Variants in GABPB2 observed in about 807,000 individuals in gnomAD.
The protein encoded by GABPB2 is GA-binding protein subunit beta-2.
Under a neutral mutation model 39.1 loss-of-function variants are expected in GABPB2, and 23 were observed. The observed-to-expected ratio is 0.59, with a 90% CI of 0.42 to 0.83. The LOEUF (loss-of-function observed/expected upper bound fraction) is 0.83. Ranked by LOEUF, GABPB2 falls within the 40% of genes least tolerant of loss-of-function variation. The pLI is 0.00. For missense variants in GABPB2, 467 were observed against 541.1 expected (o/e 0.86, Z 1.36); for synonymous variants, 184 against 199.3 (o/e 0.92, Z 0.65).
chr1:151,100,344 C>A (rs1214186135), intron 5 of GABPB2, among the ~76,000 whole-genome samples: 1 of 151,810 alleles, frequency 6.6e-6, no homozygotes, highest in African/African-American at 2.4e-5. Flanking sequence ...GGGGTTTCAC[C>A]ATGTTGGCCA....
chr1:151,087,179 G>A (rs1678279211), intron 1 of GABPB2, among the ~76,000 whole-genome samples: 1 of 150,394 alleles, frequency 6.6e-6, no homozygotes, highest in Non-Finnish European at 1.5e-5. Flanking sequence ...TTGTGAGACG[G>A]TTTCGCCATT....
In GABPB2 at chr1:151,114,216, C is replaced by T. The variant is rs750931521; in HGVS notation, c.923-3176C>T. Among the ~76,000 whole-genome samples the T allele has an allele frequency of 4.0e-5, 6 of 151,752 alleles. No individual in the cohort carries two copies. The South Asian group carries it at 8.3e-4, about 21-fold the overall frequency. On this transcript the variant is annotated intron_variant, in intron 7 of 8. Transcript: ENST00000368918. ...CAAAAAAAAAAATATATTAGCCAGG[C>T]GTGCTTTTGTGTGCCTGTAGTCCCA...
intron 3 of GABPB2, among the ~76,000 whole-genome samples, chr1:151,091,258 T>G (rs587766769): frequency 4.1e-4 from 62 of 150,186 alleles, no homozygotes; most frequent in Admixed American, 3.8e-3. Context: ...CAGCCAATTT[T>G]TGTATTTTTA....
At chr1:151,104,775 CTCTTTCTT>C (rs1553266329) in intron 6 of GABPB2, among the ~76,000 whole-genome samples, 28 of 53,522 alleles carry the variant, frequency 5.2e-4, no homozygotes, top group Middle Eastern at 0.013. Flanking sequence ...CTTTCTTTCT[CTCTTTCTT>C]TCTTTCTTTC....
At chr1:151,083,654 A>AT (rs587640005) in intron 1 of GABPB2, among the ~76,000 whole-genome samples, 5 of 145,324 alleles carry the variant, frequency 3.4e-5, no homozygotes, top group African/African-American at 1.3e-4. Context: ...AAAAAAAAAA[A>AT]TTATATATAT....
chr1:151,098,041 A>G, intron 5 of GABPB2, 39 bp downstream of exon 5: 1 of 1,585,090 alleles, frequency 6.3e-7, no homozygotes, highest in Non-Finnish European at 8.7e-7. Flanking sequence ...TTAGACTCAA[A>G]AAAGAACAGA....
intron 2 of GABPB2, among the ~76,000 whole-genome samples, chr1:151,089,059 G>A (rs938365105): frequency 7.2e-5 from 11 of 152,070 alleles, no homozygotes; most frequent in Non-Finnish European, 1.5e-4. Flanking sequence ...TAAAGAGGAA[G>A]GTGTAATTTA....
chr1:151,078,449 C>T (rs1222952042), intron 1 of GABPB2, among the ~76,000 whole-genome samples: 20 of 151,716 alleles, frequency 1.3e-4, no homozygotes, highest in African/African-American at 4.4e-4. Flanking sequence ...AAAAATTAGC[C>T]GGGCATGGTG....
chr1:151,106,119 GC>G (rs1430015738), intron 6 of GABPB2, among the ~76,000 whole-genome samples: 1 of 151,572 alleles, frequency 6.6e-6, no homozygotes, highest in African/African-American at 2.4e-5. Flanking sequence ...CCACCAACAC[GC>G]CCAGCTAATT....
chr1:151,071,563 G>A (rs1377818600), intron 1 of GABPB2, among the ~76,000 whole-genome samples: 1 of 145,528 alleles, frequency 6.9e-6, no homozygotes, highest in African/African-American at 2.5e-5. Context: ...TCCGCTTCCC[G>A]GGTTCAAGCG....
rs766361072 is a variant in GABPB2, at chr1:151,088,291, A to G, written c.102A>G (p.Thr34=). 19 of 1,611,112 alleles carry G rather than the reference A, an allele frequency of 1.2e-5. No homozygotes were observed. ...TLMANGAPFT[T]DWLGTSPLHL... ...TGGCAAATGGCGCCCCATTCACCAC[A>G]GACTGGGTAAGCTTAGAGGAGAGGT... Residue 34 remains threonine, a synonymous_variant, in exon 2 of 9, where the codon ACA becomes ACG. Coordinates refer to ENST00000368918, the MANE Select transcript of GABPB2 (RefSeq NM_144618.3).
intron 6 of GABPB2, among the ~76,000 whole-genome samples, chr1:151,104,100 T>G (rs2101538576): frequency 1.3e-5 from 2 of 152,362 alleles, no homozygotes; most frequent in Middle Eastern, 3.4e-3. Flanking sequence ...TGTCATATCC[T>G]TTGTACTTCA....
rs1037969613 is a variant in GABPB2, at chr1:151,075,753, C to T, written c.-1+4819C>T. ...AAACCCAAAAAAACACAAAACAAAA[C>T]AAAAAAAGAATGCCTTAATGGGAAT... On this transcript the variant is annotated intron_variant, in intron 1 of 8. Transcript: ENST00000368918. Among the ~76,000 whole-genome samples, 8 of 151,394 alleles carry T rather than the reference C, an allele frequency of 5.3e-5. No homozygotes were observed. The Admixed American group carries it at 5.3e-4, about 10-fold the overall frequency.
At chr1:151,095,799 C>G (rs1679054493) in intron 4 of GABPB2, among the ~76,000 whole-genome samples, 1 of 151,534 alleles carries the variant, frequency 6.6e-6, no homozygotes, top group Admixed American at 6.6e-5. Context: ...TTTGGGAGGC[C>G]GAGGTGGGTG....
At chr1:151,117,718 G>A (rs918512814) in intron 8 of GABPB2, among the ~76,000 whole-genome samples, 2 of 152,102 alleles carry the variant, frequency 1.3e-5, no homozygotes, top group African/African-American at 4.8e-5. Context: ...TGAGTAGCTG[G>A]GATTACAGGC....
intron 1 of GABPB2, among the ~76,000 whole-genome samples, chr1:151,078,871 C>T (rs1394843713): frequency 6.6e-6 from 1 of 151,720 alleles, no homozygotes; most frequent in Non-Finnish European, 1.5e-5. Context: ...GGGATTTCAC[C>T]ATGTTGGCCA....
chr1:151,118,046 G>A lies in GABPB2; in HGVS notation c.1137G>A (p.Glu379=), dbSNP rs1485916987. Residue 379 remains glutamate (E), a synonymous_variant, in exon 9 of 9, where the codon GAG becomes GAA. Coordinates refer to ENST00000368918, the MANE Select transcript of GABPB2 (RefSeq NM_144618.3). The part of the protein sequence containing the change: ...QEYRHQLLKK[E]QEAEQYRLKL... ...ACCGACACCAGCTCCTAAAGAAAGA[G>A]CAGGAAGCAGAACAGTACCGTCTTA... 1 of 1,614,228 alleles carries A rather than the reference G, an allele frequency of 6.2e-7. No homozygotes were observed. Among genetic ancestry groups the A allele is most frequent in the East Asian group, 2.2e-5 (1 of 44,882 alleles).
intron 6 of GABPB2, among the ~76,000 whole-genome samples, chr1:151,105,733 A>G (rs79275236): frequency 0.033 from 4,967 of 151,980 alleles, 120 homozygotes; most frequent in Middle Eastern, 0.051. Flanking sequence ...TTCAACTCCC[A>G]GCCTCAAGCA....
At chr1:151,091,615 C>T (rs1443022751) in intron 3 of GABPB2, among the ~76,000 whole-genome samples, 1 of 151,212 alleles carries the variant, frequency 6.6e-6, no homozygotes, top group Admixed American at 6.6e-5. Flanking sequence ...GCTGTGATTA[C>T]AGGCGCCCAC....
Sources: gnomAD v4.1 joint callset for allele counts (sites outside exome capture counted in the v4.1 genomes callset) on GRCh38, gnomAD v4.1.1 for gene constraint, MANE v1.5 for transcripts, NCBI Gene and HGNC (gene_info 2026-07-23, HGNC 2026-07-21) for gene names.